SLC22A14: variants seen among roughly 807,000 people sequenced by gnomAD.
SLC22A14 encodes the protein solute carrier family 22 member 14.
SLC22A14 carries 50 observed loss-of-function variants against 53.9 expected under a neutral mutation model. The observed-to-expected ratio is 0.93, with a 90% CI of 0.74 to 1.17. SLC22A14 has a LOEUF of 1.17. SLC22A14 is among the 50% of genes most tolerant of loss of function. SLC22A14 has a pLI of 0.00. For missense variants in SLC22A14, 671 were observed against 734.7 expected (o/e 0.91, Z 1.00); for synonymous variants, 312 against 303.0 (o/e 1.03, Z -0.31).
chr3:38,313,685 T>TGTGTGTCTGTGCGCGCGCGC, intron 7 of SLC22A14, 42 bp from the exon 8 acceptor site: 1 of 900,604 alleles, frequency 1.1e-6, no homozygotes, highest in African/African-American at 1.6e-5. Flanking sequence ...TCCGTGTGTG[T>TGTGTGTCTGTGCGCGCGCGC]GCGCGCGTGT....
intron 1 of SLC22A14, 194 bp from the exon 2 acceptor site, chr3:38,305,833 C>A: frequency 1.7e-6 from 1 of 603,648 alleles, no homozygotes; most frequent in Non-Finnish European, 2.9e-6. Context: ...ACTAAAACTC[C>A]AGGATGGTTG....
At chr3:38,311,224 A>G (rs1420474729) in intron 5 of SLC22A14, among the ~76,000 whole-genome samples, 6 of 152,104 alleles carry the variant, frequency 3.9e-5, no homozygotes, top group Non-Finnish European at 1.5e-5. Flanking sequence ...GTGAGCACCA[A>G]TGTACTATGG....
chr3:38,287,110 CGTGT>C (rs142227069), intron 1 of SLC22A14, among the ~76,000 whole-genome samples: 1 of 150,274 alleles, frequency 6.7e-6, no homozygotes, highest in Non-Finnish European at 1.5e-5. Context: ...TGTGTGTGTG[CGTGT>C]GTGTGTGTGT....
In SLC22A14 at chr3:38,307,694, GC is replaced by G. The variant is rs756971868; in HGVS notation, c.750del (p.Tyr251ThrfsTer13). On this transcript the variant is annotated frameshift_variant, in exon 4 of 11. Coordinates refer to ENST00000448498, the MANE Select transcript of SLC22A14 (RefSeq NM_001320033.2). LOFTEE classifies it high-confidence loss of function. This position sits in a 1 kb window ranked among gnomAD's most constrained non-coding sequence, Gnocchi z 4.4. ...TTTGGCATCTCGCAGTCAGTGGTGG[GC>G]TACGCCATCAGCAGCATTTCTTTGG... Reference protein sequence around the residue: ...FRFGISQSVVGYAISSISLAT... With the variant: ...FRFGISQSVVXYAISSISLAT... 1.2e-6 allele frequency: 2 copies of G among 1,614,178 alleles called. No individual in the cohort carries two copies. The highest frequency in any genetic ancestry group is 3.3e-5 in the Admixed American group (2 of 60,026).
At chr3:38,282,250 C>T (rs1349353289), upstream of SLC22A14, 2 of 152,778 alleles carry the variant, frequency 1.3e-5, no homozygotes, top group African/African-American at 4.8e-5. Context: ...CCAAGGACCT[C>T]CCCACCCCAT....
chr3:38,318,502 T>TA lies in SLC22A14; in HGVS notation c.*261dup, dbSNP rs3216085. Reference sequence around the variant, plus strand: ...CTTCTCCCAGGCCAGCCCTTGACATTAAAAAAAATGCCCCCTCCTTCTGCA... The same window carrying TA: ...CTTCTCCCAGGCCAGCCCTTGACATTAAAAAAAAATGCCCCCTCCTTCTGCA... On this transcript the variant is annotated 3_prime_UTR_variant, in exon 11 of 11. Coordinates refer to ENST00000448498, the MANE Select transcript of SLC22A14 (RefSeq NM_001320033.2). 245,088 of 344,734 alleles carry TA rather than the reference T, an allele frequency of 0.71. 87,375 individuals are homozygous for TA. The highest frequency in any genetic ancestry group is 0.78 in the Non-Finnish European group (142,281 of 183,036). 21.4% of individuals were successfully genotyped at this position (344,734 alleles called of 1,614,324 possible).
At position 38,307,393 on chromosome 3, in the gene SLC22A14, A is replaced by G. The variant is rs959087431; in HGVS notation, c.620+36A>G. ...GGGAGTTTCTGCTGGTCCCCGAGCC[A>G]TCCCAACTCCTCCTCATGGGCATTC... On this transcript the variant is annotated intron_variant, in intron 3 of 10. Coordinates refer to ENST00000448498, the MANE Select transcript of SLC22A14 (RefSeq NM_001320033.2). This position sits in a 1 kb window ranked among gnomAD's most constrained non-coding sequence, Gnocchi z 4.4. The G allele has an allele frequency of 6.4e-6, 10 of 1,564,504 alleles. No individual in the cohort carries two copies. The highest frequency in any genetic ancestry group is 8.8e-6 in the Non-Finnish European group (10 of 1,134,806).
chr3:38,304,190 C>CA (rs71245390), intron 1 of SLC22A14, among the ~76,000 whole-genome samples: 26,737 of 121,374 alleles, frequency 0.22, 2,578 homozygotes, highest in African/African-American at 0.26. Flanking sequence ...GACTCTGTCT[C>CA]AAAAAAAAAA....
chr3:38,298,245 AT>A (rs1475728999), intron 1 of SLC22A14, among the ~76,000 whole-genome samples: 2 of 152,076 alleles, frequency 1.3e-5, no homozygotes, highest in Non-Finnish European at 2.9e-5. Context: ...ACCACAAGAT[AT>A]TTTATAATCA....
At chr3:38,283,129 G>A (rs1216002238) in intron 1 of SLC22A14, among the ~76,000 whole-genome samples, 2 of 152,054 alleles carry the variant, frequency 1.3e-5, no homozygotes, top group Non-Finnish European at 2.9e-5. Flanking sequence ...CAAAGCCACC[G>A]ACGGCTGCCC....
Position 38,306,562 on chromosome 3 carries a change from G to A in SLC22A14, c.516+20G>A. On this transcript the variant is annotated intron_variant, in intron 2 of 10. Transcript: ENST00000448498. Reference sequence around the variant, plus strand: ...AATGAGGTATGTCTTGTCATGGGTTGTCTGTAACTACCCTACAGGCTCAGA... The same window carrying A: ...AATGAGGTATGTCTTGTCATGGGTTATCTGTAACTACCCTACAGGCTCAGA... The A allele has an allele frequency of 6.3e-7, 1 of 1,593,666 alleles. No individual in the cohort carries two copies. The highest frequency in any genetic ancestry group is 8.6e-7 in the Non-Finnish European group (1 of 1,168,186).
At chr3:38,308,781 A>C (rs901471021) in intron 4 of SLC22A14, among the ~76,000 whole-genome samples, 173 bp from the exon 5 acceptor site, 1 of 152,096 alleles carries the variant, frequency 6.6e-6, no homozygotes, top group African/African-American at 2.4e-5. Context: ...GAACAGAGGC[A>C]CTCTACCGGG....
At chr3:38,313,312 C>A in intron 6 of SLC22A14, 76 bp from the exon 7 acceptor site, 1 of 1,380,814 alleles carries the variant, frequency 7.2e-7, no homozygotes, top group Non-Finnish European at 1.0e-6. Context: ...GACAGGCAGG[C>A]CTTGTGGGTG....
At chr3:38,294,031 A>G (rs557683906) in intron 1 of SLC22A14, among the ~76,000 whole-genome samples, 3 of 152,312 alleles carry the variant, frequency 2.0e-5, no homozygotes, top group African/African-American at 4.8e-5. Flanking sequence ...TTAATTTGCT[A>G]TAAGTATGAG....
chr3:38,303,243 A>T (rs1176193599), intron 1 of SLC22A14, among the ~76,000 whole-genome samples: 1 of 151,870 alleles, frequency 6.6e-6, no homozygotes, highest in Non-Finnish European at 1.5e-5. Flanking sequence ...TTTTTGTCTT[A>T]ACTTTACTAC....
chr3:38,307,627 A>C lies in SLC22A14; in HGVS notation c.682A>C (p.Thr228Pro). ...GGGGCTGATCATCTTCGGCTTTGGG[A>C]CAGCCTTCATGAACAGCTTTCACCT... ...LLGLIIFGFGTAFMNSFHLYL... is the reference protein window; with the variant it reads ...LLGLIIFGFGPAFMNSFHLYL... The change falls in exon 4 of 11, where the codon ACA (threonine) becomes CCA (proline). Residue 228 changes from threonine (T) to proline (P), a missense_variant. Coordinates refer to ENST00000448498, the MANE Select transcript of SLC22A14 (RefSeq NM_001320033.2). The surrounding 1 kb of genome is among the most constrained non-coding windows in gnomAD (Gnocchi z 4.4). 1 of 1,614,146 alleles carries C rather than the reference A, an allele frequency of 6.2e-7. No individual in the cohort carries two copies. The highest frequency in any genetic ancestry group is 8.5e-7 in the Non-Finnish European group (1 of 1,180,018).
Position 38,313,071 on chromosome 3 carries a change from C to T in SLC22A14, c.1017C>T (p.Tyr339=), listed in dbSNP as rs141364065. 1.3e-4 allele frequency: 216 copies of T among 1,604,024 alleles called. No homozygotes were observed. Among genetic ancestry groups the T allele is most frequent in the Middle Eastern group, 1.6e-4 (1 of 6,076 alleles). Residue 339 remains tyrosine, a synonymous_variant, in exon 6 of 11, where the codon TAC becomes TAT. Coordinates refer to ENST00000448498, the MANE Select transcript of SLC22A14 (RefSeq NM_001320033.2). ...AGGAGGCCAAGCAGGTGCTGTGCTA[C>T]GCCGCAAGTGTGAACAAGAAGACCA... The part of the protein sequence containing the change: ...KVKEAKQVLC[Y]AASVNKKTIP...
chr3:38,311,394 C>A (rs1260745633), intron 5 of SLC22A14, among the ~76,000 whole-genome samples: 1 of 152,194 alleles, frequency 6.6e-6, no homozygotes, highest in Admixed American at 6.5e-5. Flanking sequence ...TTGTACTGGC[C>A]TCCTTATCAA....
At chr3:38,304,176 G>A (rs1704240072) in intron 1 of SLC22A14, among the ~76,000 whole-genome samples, 1 of 149,256 alleles carries the variant, frequency 6.7e-6, no homozygotes, top group Non-Finnish European at 1.5e-5. Context: ...GGATGACAGA[G>A]CGAGACTCTG....
Sources: allele counts gnomAD v4.1 joint callset (sites outside exome capture counted in the v4.1 genomes callset), GRCh38; gene constraint gnomAD v4.1.1; non-coding constraint Gnocchi (gnomAD v3.1); transcripts MANE v1.5; gene names NCBI Gene and HGNC (gene_info 2026-07-23, HGNC 2026-07-21).